Variants in ROR1 observed in about 807,000 individuals in gnomAD.
ROR1 encodes the protein inactive tyrosine-protein kinase transmembrane receptor ROR1.
In ROR1, 19 loss-of-function variants were observed where a neutral mutation model predicts 78.8. The observed-to-expected ratio is 0.24, with a 90% confidence interval of 0.17 to 0.35. The LOEUF (loss-of-function observed/expected upper bound fraction) is 0.35, where lower values mean the gene tolerates loss of function less well. ROR1 is among the 10% of genes least tolerant of loss of function. The pLI is 1.00. For missense variants in ROR1, 917 were observed against 1,177.8 expected, an observed-to-expected ratio of 0.78 and a Z score of 3.24; for synonymous variants, 386 against 433.6, an observed-to-expected ratio of 0.89 and a Z score of 1.36.
chr1:63,781,828 A>C lies in ROR1; in HGVS notation c.91+7320A>C, dbSNP rs564234835. On this transcript the variant is annotated intron_variant, in intron 1 of 8. Coordinates refer to ENST00000371079, the MANE Select transcript of ROR1 (RefSeq NM_005012.4). Reference sequence around the variant, plus strand: ...GCTCCCCTGTGCACTTTTTAAACAGACATGTGATTGTTGGAAGAGTAAGTA... The same window carrying C: ...GCTCCCCTGTGCACTTTTTAAACAGCCATGTGATTGTTGGAAGAGTAAGTA... 2.6e-5 allele frequency among the ~76,000 whole-genome samples: 4 copies of C among 152,344 alleles called. No individual in the cohort carries two copies. The East Asian group carries it at 5.8e-4, about 22-fold the overall frequency.
chr1:63,897,981 A>C (rs951336348), intron 1 of ROR1, among the ~76,000 whole-genome samples: 21 of 152,136 alleles, frequency 1.4e-4, no homozygotes, highest in African/African-American at 5.1e-4. Context: ...GAGACAGAGG[A>C]GAGGGAAGGC....
intron 1 of ROR1, chr1:63,843,408 C>T (rs1645061441): frequency 2.7e-6 from 2 of 748,552 alleles, no homozygotes; most frequent in Non-Finnish European, 2.4e-6. Context: ...CTCCTCCTTG[C>T]TCTCCTTGGT....
At chr1:63,999,191 T>G (rs1454440366) in intron 1 of ROR1, among the ~76,000 whole-genome samples, 1 of 152,204 alleles carries the variant, frequency 6.6e-6, no homozygotes, top group South Asian at 2.1e-4. Flanking sequence ...CTGTTTCCAA[T>G]AGAAGGCTCC....
At chr1:63,829,066 TTCTGTCTGATTTGG>T (rs1644971579) in intron 1 of ROR1, among the ~76,000 whole-genome samples, 1 of 152,230 alleles carries the variant, frequency 6.6e-6, no homozygotes, top group African/African-American at 2.4e-5. Flanking sequence ...GGACAGGTGT[TTCTGTCTGATTTGG>T]TTATTGCTGT....
chr1:64,115,925 C>CAAT (rs908498255), intron 4 of ROR1, among the ~76,000 whole-genome samples: 1 of 152,034 alleles, frequency 6.6e-6, no homozygotes, highest in African/African-American at 2.4e-5. Context: ...ACACACCTGC[C>CAAT]AATAAATGGT....
Position 64,178,962 on chromosome 1 carries a change from C to T in ROR1, c.*107C>T, listed in dbSNP as rs1165433746. The stretch of plus-strand genomic sequence containing the variant: ...AGTAAGGTTCTCATTTAGCAGACAT[C>T]GCAACAAGTACCTTCTGTGAAGTTT... On this transcript the variant is annotated 3_prime_UTR_variant, in exon 9 of 9. Transcript: ENST00000371079. The surrounding 1 kb of genome is among the most constrained non-coding windows in gnomAD (Gnocchi z 4.3). 3.6e-5 allele frequency: 27 copies of T among 750,102 alleles called. No individual in the cohort carries two copies. Among genetic ancestry groups the T allele is most frequent in the South Asian group, 1.1e-4 (6 of 52,938 alleles). The allele number at this position is 750,102 out of a possible 1,614,324, so 46.5% of individuals were successfully genotyped here.
At chr1:63,869,684 G>T (rs1645238902) in intron 1 of ROR1, among the ~76,000 whole-genome samples, 1 of 152,202 alleles carries the variant, frequency 6.6e-6, no homozygotes, top group African/African-American at 2.4e-5. Context: ...TTGTAATCTT[G>T]CTGGTCTTTG....
At chr1:64,104,618 C>A (rs1230726277) in intron 4 of ROR1, among the ~76,000 whole-genome samples, 1 of 152,084 alleles carries the variant, frequency 6.6e-6, no homozygotes, top group African/African-American at 2.4e-5. Context: ...CCCTCACCCC[C>A]ACCCTTCAAT....
chr1:63,884,814 C>G (rs887936603), intron 1 of ROR1, among the ~76,000 whole-genome samples: 2 of 151,174 alleles, frequency 1.3e-5, no homozygotes, highest in African/African-American at 4.9e-5. Flanking sequence ...GGGAAAAGTG[C>G]CTGACTTGTG....
At chr1:63,969,923 C>T (rs1259250007) in intron 1 of ROR1, among the ~76,000 whole-genome samples, 2 of 152,100 alleles carry the variant, frequency 1.3e-5, no homozygotes, top group African/African-American at 4.8e-5. Context: ...CCTGAGTTCT[C>T]CAGTCTAATT....
At chr1:63,966,524 C>G (rs1474053626) in intron 1 of ROR1, among the ~76,000 whole-genome samples, 1 of 152,122 alleles carries the variant, frequency 6.6e-6, no homozygotes, top group Non-Finnish European at 1.5e-5. Context: ...GTTACCTAGT[C>G]TAAGGTGAGT....
At chr1:64,090,181 G>T (rs1307080343) in intron 4 of ROR1, among the ~76,000 whole-genome samples, 2 of 152,132 alleles carry the variant, frequency 1.3e-5, no homozygotes, top group Admixed American at 1.3e-4. Context: ...ATATTGAAGA[G>T]AAAAAGCCTA....
intron 4 of ROR1, among the ~76,000 whole-genome samples, chr1:64,077,542 G>A (rs991143837): frequency 2.0e-5 from 3 of 152,242 alleles, no homozygotes; most frequent in Admixed American, 2.0e-4. Flanking sequence ...GGGCATCAAT[G>A]CCGCTTTTGT....
intron 4 of ROR1, among the ~76,000 whole-genome samples, chr1:64,128,628 A>G (rs1180816986): frequency 2.6e-5 from 4 of 152,206 alleles, no homozygotes; most frequent in African/African-American, 9.6e-5. Flanking sequence ...TTTATTAAGT[A>G]TCAACAACTT....
chr1:63,965,840 A>T (rs1421835240), intron 1 of ROR1, among the ~76,000 whole-genome samples: 1 of 152,218 alleles, frequency 6.6e-6, no homozygotes, highest in African/African-American at 2.4e-5. Flanking sequence ...GAACTAAATA[A>T]ACGTCATGGG....
intron 2 of ROR1, among the ~76,000 whole-genome samples, chr1:64,045,809 A>C (rs909294391): frequency 2.6e-5 from 4 of 152,164 alleles, no homozygotes; most frequent in Non-Finnish European, 5.9e-5. Context: ...GGAAGGCATC[A>C]TTTGTTCAGG....
In ROR1 at chr1:64,140,248, T is replaced by C. The variant is rs144523772; in HGVS notation, c.750T>C (p.Asp250=). ...SVPKPRDLCR[D]ECEILENVLC... ...CAAAGCCCCGTGACTTGTGTCGCGA[T>C]GAATGTGAAATCCTGGAGAATGTCC... Residue 250 remains aspartate (D), a synonymous_variant, in exon 6 of 9, where the codon GAT becomes GAC. Transcript: ENST00000371079. 31 of 1,614,068 alleles carry C rather than the reference T, an allele frequency of 1.9e-5. No individual in the cohort carries two copies. Among genetic ancestry groups the C allele is most frequent in the Middle Eastern group, 1.6e-4 (1 of 6,084 alleles).
chr1:64,100,726 A>G (rs1409253972), intron 4 of ROR1, among the ~76,000 whole-genome samples: 3 of 152,198 alleles, frequency 2.0e-5, no homozygotes, highest in Admixed American at 2.0e-4. Context: ...GAGTCGTAAC[A>G]AATGTGTTTT....
chr1:64,090,062 G>A (rs528158665), intron 4 of ROR1, among the ~76,000 whole-genome samples: 2 of 152,034 alleles, frequency 1.3e-5, no homozygotes. Flanking sequence ...GACCTCCCTA[G>A]CCACTTGGAA....
Sources: allele counts gnomAD v4.1 joint callset (sites outside exome capture counted in the v4.1 genomes callset), GRCh38; gene constraint gnomAD v4.1.1; non-coding constraint Gnocchi (gnomAD v3.1); transcripts MANE v1.5; gene names NCBI Gene and HGNC (gene_info 2026-07-23, HGNC 2026-07-21).